The following CD1D variants were observed in gnomAD, a reference collection of about 807,000 sequenced individuals.
CD1D encodes antigen-presenting glycoprotein CD1d.
In CD1D, 40 loss-of-function variants were observed where a neutral mutation model predicts 42.1. The ratio of observed to expected loss-of-function variants is 0.95; its 90% CI spans 0.74 to 1.24. The LOEUF (loss-of-function observed/expected upper bound fraction) is 1.24. Among genes scored for constraint, CD1D ranks in the 50% most tolerant of loss-of-function variants. The pLI, the probability that CD1D is intolerant of heterozygous loss-of-function variation, is 0.00. For synonymous variants in CD1D, 178 were observed against 171.8 expected, an observed-to-expected ratio of 1.04 and a Z score of -0.28; for missense variants, 437 against 416.5, an observed-to-expected ratio of 1.05 and a Z score of -0.43.
In CD1D at chr1:158,184,024, T is replaced by G; in HGVS notation, c.975T>G (p.Phe325Leu). ...TCATTGTGGGCTTTACCTCCCGGTT[T>G]AAGAGGCAAACGTAAGTCTCCCCTT... Reference protein sequence around the residue: ...FLLIVGFTSRFKRQTSYQGVL With the variant: ...FLLIVGFTSRLKRQTSYQGVL The change falls in exon 5 of 6, where the codon TTT becomes TTG. Residue 325 changes from phenylalanine to leucine, a missense_variant. Physicochemically the swap from Phe to Leu is conservative, Grantham distance 22. Transcript: ENST00000674085. The G allele has an allele frequency of 6.2e-7, 1 of 1,614,172 alleles. No individual in the cohort carries two copies.
In CD1D at chr1:158,184,431, G is replaced by A; in HGVS notation, c.*281G>A. On this transcript the variant is annotated 3_prime_UTR_variant, in exon 6 of 6. Transcript: ENST00000674085. ...AAAGGTGTGCAAACTTGTATCTGAA[G>A]ACCTACCAGGGACAAGCAGGTAAGA... 1 of 509,512 alleles carries A rather than the reference G, an allele frequency of 2.0e-6. No individual in the cohort carries two copies. The highest frequency in any genetic ancestry group is 3.5e-6 in the Non-Finnish European group (1 of 284,948). 31.6% of individuals were successfully genotyped at this position (509,512 alleles called of 1,614,324 possible).
rs747612257 is a variant in CD1D, at chr1:158,183,002, G to A, written c.732G>A (p.Glu244=). The change falls in exon 4 of 6, where the codon GAG becomes GAA. Residue 244 remains glutamate, a synonymous_variant. Coordinates refer to ENST00000674085, the MANE Select transcript of CD1D (RefSeq NM_001371762.2). ...TGAAGTGGATGCGGGGTGAGCAGGAGCAGCAGGGCACTCAGCCAGGGGACA... is the reference window on the plus strand; with the variant it reads ...TGAAGTGGATGCGGGGTGAGCAGGAACAGCAGGGCACTCAGCCAGGGGACA... ...VWVKWMRGEQ[E]QQGTQPGDIL... 6.2e-7 allele frequency: 1 copy of A among 1,614,070 alleles called. No homozygotes were observed. The highest frequency in any genetic ancestry group is 8.5e-7 in the Non-Finnish European group (1 of 1,179,892).
At position 158,183,290 on chromosome 1, in the gene CD1D, TAGAG is replaced by T. The variant is rs1648545880; in HGVS notation, c.886+139_886+142del. ...AGAGATGAGGCCCCCAGTAAAAGGA[TAGAG>T]AGAGGGGTTCCAGACACAGGAAGGA... On this transcript the variant is annotated intron_variant, in intron 4 of 5. Transcript: ENST00000674085. 3.7e-6 allele frequency: 4 copies of T among 1,078,918 alleles called. No homozygotes were observed. The Admixed American group carries it at 8.9e-5, about 24-fold the overall frequency. The allele number at this position is 1,078,918 out of a possible 1,614,324, so 66.8% of individuals were successfully genotyped here.
At chr1:158,179,515 G>A (rs1036660959), upstream of CD1D, among the ~76,000 whole-genome samples, 1 of 152,160 alleles carries the variant, frequency 6.6e-6, no homozygotes, top group Non-Finnish European at 1.5e-5. Context: ...ATTTAGAAGA[G>A]GACACAGAGG....
upstream of CD1D, among the ~76,000 whole-genome samples, chr1:158,178,361 T>C (rs1648252289): frequency 2.0e-5 from 3 of 152,202 alleles, no homozygotes; most frequent in African/African-American, 7.2e-5. Context: ...GGTATTATCC[T>C]CCTGATAGCT....
At position 158,181,000 on chromosome 1, in the gene CD1D, C is replaced by T. The variant is rs1648366154; in HGVS notation, c.-102C>T. ...GGGTCTGGGCTTGGGAATTGGCTGGCACCCAGCGGAAAGGGACGTGAGCTG... is the reference window on the plus strand; with the variant it reads ...GGGTCTGGGCTTGGGAATTGGCTGGTACCCAGCGGAAAGGGACGTGAGCTG... On this transcript the variant is annotated 5_prime_UTR_variant, in exon 1 of 6. Transcript: ENST00000674085. 6 of 1,105,110 alleles carry T rather than the reference C, an allele frequency of 5.4e-6. No homozygotes were observed. In the East Asian group the frequency reaches 1.6e-4, roughly 30 times the overall value. 68.5% of individuals were successfully genotyped at this position (1,105,110 alleles called of 1,614,324 possible). A position where few individuals can be genotyped will look rare whatever the true frequency, so the allele number is the denominator to read the frequency against.
intron 1 of CD1D, 109 bp from the exon 2 acceptor site, chr1:158,181,346 A>G (rs1478717319): frequency 2.0e-6 from 3 of 1,503,674 alleles, no homozygotes; most frequent in Middle Eastern, 2.4e-4. Context: ...GTTCGCTGGC[A>G]TCAGCCGCCT....
upstream of CD1D, chr1:158,180,865 C>A (rs1490200760): frequency 2.3e-6 from 1 of 429,826 alleles, no homozygotes; most frequent in Non-Finnish European, 4.1e-6. Flanking sequence ...TGAGCGGCGG[C>A]GCCAGGATTC....
chr1:158,183,223 G>C (rs1275263964), intron 4 of CD1D, 67 bp downstream of exon 4: 8 of 1,529,940 alleles, frequency 5.2e-6, no homozygotes, highest in Non-Finnish European at 7.1e-6. Context: ...GGGAGGCACT[G>C]GGGTGGGATG....
chr1:158,183,189 C>T, intron 4 of CD1D, 33 bp downstream of exon 4: 1 of 1,570,764 alleles, frequency 6.4e-7, no homozygotes, highest in Non-Finnish European at 8.7e-7. Context: ...CTGGAAATGG[C>T]AGGAGGTGGT....
At position 158,182,321 on chromosome 1, in the gene CD1D, C is replaced by T; in HGVS notation, c.607+11C>T. The T allele has an allele frequency of 1.2e-6, 2 of 1,614,030 alleles. No homozygotes were observed. Among genetic ancestry groups the T allele is most frequent in the East Asian group, 2.2e-5 (1 of 44,880 alleles). On this transcript the variant is annotated intron_variant, in intron 3 of 5. Coordinates refer to ENST00000674085, the MANE Select transcript of CD1D (RefSeq NM_001371762.2). ...AACTGAAGAAGCAAGGTCAGCCTGCCTTCCTTACTCCCTGCATTCCACTTC... is the reference window on the plus strand; with the variant it reads ...AACTGAAGAAGCAAGGTCAGCCTGCTTTCCTTACTCCCTGCATTCCACTTC...
chr1:158,181,827 C>G, intron 2 of CD1D, 106 bp downstream of exon 2: 1 of 1,446,336 alleles, frequency 6.9e-7, no homozygotes, highest in South Asian at 1.3e-5. Context: ...TCTGCTCTGT[C>G]CACCCTCTTC....
chr1:158,179,063 G>C (rs1648278882), upstream of CD1D, among the ~76,000 whole-genome samples: 1 of 152,048 alleles, frequency 6.6e-6, no homozygotes, highest in Admixed American at 6.6e-5. Flanking sequence ...GTGCAAGAAT[G>C]TTAGCACTTA....
At chr1:158,182,615 G>C (rs556106066) in intron 3 of CD1D, among the ~76,000 whole-genome samples, 2 of 152,252 alleles carry the variant, frequency 1.3e-5, no homozygotes, top group African/African-American at 4.8e-5. Flanking sequence ...AAAACAAAGG[G>C]TGTTATAGGG....
chr1:158,181,050 G>A lies in CD1D; in HGVS notation c.-52G>A, dbSNP rs1648370300. On this transcript the variant is annotated 5_prime_UTR_variant, in exon 1 of 6. Coordinates refer to ENST00000674085, the MANE Select transcript of CD1D (RefSeq NM_001371762.2). ...GAGCGGCGGGGGAGAAGAGTGCGCA[G>A]GTCAGAGGGCGGCGCGCAGCGGCGC... is the stretch of plus-strand genomic sequence containing the variant. 8.7e-6 allele frequency: 13 copies of A among 1,488,322 alleles called. 1 individual carries two copies. In the South Asian group the frequency reaches 1.5e-4, roughly 18 times the overall value. 92.2% of individuals were successfully genotyped at this position (1,488,322 alleles called of 1,614,324 possible). A position where few individuals can be genotyped will look rare whatever the true frequency, so the allele number is the denominator to read the frequency against.
At position 158,183,966 on chromosome 1, in the gene CD1D, C is replaced by T. The variant is rs767850265; in HGVS notation, c.917C>T (p.Ala306Val). 6.2e-7 allele frequency: 1 copy of T among 1,614,194 alleles called. No individual in the cohort carries two copies. Among genetic ancestry groups the T allele is most frequent in the Admixed American group, 1.7e-5 (1 of 60,036 alleles). Residue 306 changes from alanine (A) to valine (V), a missense_variant, in exon 5 of 6, where the codon GCC becomes GTC. Coordinates refer to ENST00000674085, the MANE Select transcript of CD1D (RefSeq NM_001371762.2). ...GGSYTSMGLI[A>V]LAVLACLLFL... ...AGCTACACCTCCATGGGCTTGATTG[C>T]CTTGGCAGTCCTGGCGTGCTTGCTG...
upstream of CD1D, among the ~76,000 whole-genome samples, chr1:158,180,475 A>G (rs1648340466): frequency 6.6e-6 from 1 of 152,178 alleles, no homozygotes; most frequent in African/African-American, 2.4e-5. Flanking sequence ...GAGGTGGAGG[A>G]ATCCTGGGAT....
At chr1:158,181,770 G>A (rs774425061) in intron 2 of CD1D, 49 bp downstream of exon 2, 4 of 1,594,354 alleles carry the variant, frequency 2.5e-6, no homozygotes, top group Middle Eastern at 3.3e-4. Context: ...GGAGAGAATG[G>A]CCACAGAAAC....
chr1:158,181,298 C>A, intron 1 of CD1D, 136 bp downstream of exon 1: 2 of 1,427,382 alleles, frequency 1.4e-6, no homozygotes, highest in South Asian at 1.3e-5. Context: ...AGAAAACTCG[C>A]TGCTCCCTGG....
Sources: allele counts gnomAD v4.1 joint callset (sites outside exome capture counted in the v4.1 genomes callset), GRCh38; gene constraint gnomAD v4.1.1; transcripts MANE v1.5; gene names NCBI Gene and HGNC (gene_info 2026-07-23, HGNC 2026-07-21).